The following LAMA2 variants were observed in gnomAD, a reference collection of about 807,000 sequenced individuals.
The protein encoded by LAMA2 is laminin subunit alpha-2.
A neutral mutation model predicts 364.8 loss-of-function variants in LAMA2; 269 were observed. The observed-to-expected ratio is 0.74, with a 90% CI of 0.67 to 0.82. LAMA2 has a LOEUF of 0.82. Among genes scored for constraint, LAMA2 ranks in the 40% least tolerant of loss-of-function variants. The pLI, the probability that LAMA2 is intolerant of heterozygous loss-of-function variation, is 0.00. For missense variants in LAMA2, 3,807 were observed against 3,873.2 expected, an observed-to-expected ratio of 0.98 and a Z score of 0.45; for synonymous variants, 1,379 against 1,370.6, an observed-to-expected ratio of 1.01 and a Z score of -0.14.
At position 128,931,174 on chromosome 6, in the gene LAMA2, T is replaced by C. The variant is rs191401884; in HGVS notation, c.112+47817T>C. The stretch of plus-strand genomic sequence containing the variant: ...GTCTCTATAGCTTACAAGGTATTCA[T>C]AAATTCTTCAAACAAAAGAAATTTA... On this transcript the variant is annotated intron_variant, in intron 1 of 64. Transcript: ENST00000421865. 6.8e-4 allele frequency among the ~76,000 whole-genome samples: 103 copies of C among 152,358 alleles called. 2 individuals are homozygous for C. The highest frequency in any genetic ancestry group is 1.0e-4 in the Non-Finnish European group (7 of 68,032).
At chr6:129,245,945 C>T (rs563246555) in intron 12 of LAMA2, among the ~76,000 whole-genome samples, 4 of 152,080 alleles carry the variant, frequency 2.6e-5, no homozygotes, top group African/African-American at 4.8e-5. Context: ...ATGTTCATAG[C>T]GTATTCATAA....
At position 129,331,060 on chromosome 6, in the gene LAMA2, G is replaced by A. The variant is rs187571115; in HGVS notation, c.4311+2648G>A. Among the ~76,000 whole-genome samples the A allele has an allele frequency of 5.9e-5, 9 of 152,070 alleles. No individual in the cohort carries two copies. In the East Asian group the frequency reaches 9.7e-4, roughly 16 times the overall value. On this transcript the variant is annotated intron_variant, in intron 29 of 64. Coordinates refer to ENST00000421865, the MANE Select transcript of LAMA2 (RefSeq NM_000426.4). The stretch of plus-strand genomic sequence containing the variant: ...CTTTTTTTGTATTTTTAATAGAGAC[G>A]GGGTTTCACTGTGTTAGCCAGGATG...
At chr6:129,511,131 C>G (rs1326968590) in intron 62 of LAMA2, among the ~76,000 whole-genome samples, 1 of 152,166 alleles carries the variant, frequency 6.6e-6, no homozygotes, top group Non-Finnish European at 1.5e-5. Flanking sequence ...ATCCCCTGAA[C>G]ACACAGTGTA....
chr6:129,413,207 A>G (rs1780622636), intron 40 of LAMA2, among the ~76,000 whole-genome samples: 2 of 152,186 alleles, frequency 1.3e-5, no homozygotes, highest in Admixed American at 6.5e-5. Context: ...ATTATTAAGG[A>G]CAAAGAAAGT....
At chr6:129,177,981 A>G (rs1369114634) in intron 10 of LAMA2, 115 bp downstream of exon 10, 6 of 1,084,392 alleles carry the variant, frequency 5.5e-6, no homozygotes, top group Admixed American at 2.0e-5. Flanking sequence ...AAGTATCCAT[A>G]ATCTATTCTA....
intron 64 of LAMA2, among the ~76,000 whole-genome samples, chr6:129,515,781 C>CTAT (rs1411113395): frequency 2.0e-5 from 3 of 152,088 alleles, no homozygotes; most frequent in Non-Finnish European, 4.4e-5. Context: ...TATGTTATAA[C>CTAT]TATTAAAAAG....
intron 3 of LAMA2, among the ~76,000 whole-genome samples, chr6:129,065,002 A>C (rs1165493382): frequency 6.6e-6 from 1 of 152,098 alleles, no homozygotes; most frequent in African/African-American, 2.4e-5. Flanking sequence ...TAGATGCAAA[A>C]CTCCTCAAGA....
intron 30 of LAMA2, among the ~76,000 whole-genome samples, chr6:129,343,891 G>C (rs1348082574): frequency 6.6e-6 from 1 of 152,028 alleles, no homozygotes; most frequent in Non-Finnish European, 1.5e-5. Flanking sequence ...TTCACTGGTG[G>C]GAATAGTAGG....
intron 3 of LAMA2, among the ~76,000 whole-genome samples, chr6:129,089,896 C>T (rs559425976): frequency 7.9e-5 from 12 of 152,184 alleles, no homozygotes; most frequent in East Asian, 3.9e-4. Flanking sequence ...TATGGGCCAA[C>T]GATACCCTTT....
intron 1 of LAMA2, among the ~76,000 whole-genome samples, chr6:128,962,185 T>TATATATATATATATATACACACACAC (rs1214826895): frequency 9.6e-6 from 1 of 103,918 alleles, no homozygotes; most frequent in African/African-American, 3.7e-5. Flanking sequence ...TATATATATA[T>TATATATATATATATATACACACACAC]ACACACATAC....
At chr6:129,458,900 C>G (rs1783104902) in intron 48 of LAMA2, among the ~76,000 whole-genome samples, 1 of 151,944 alleles carries the variant, frequency 6.6e-6, no homozygotes, top group African/African-American at 2.4e-5. Flanking sequence ...TATGTGTGTT[C>G]TAAAAACCAA....
chr6:129,328,523 T>G, intron 29 of LAMA2, 111 bp downstream of exon 29: 1 of 1,538,128 alleles, frequency 6.5e-7, no homozygotes, highest in Non-Finnish European at 8.9e-7. Flanking sequence ...CAACTGTGTG[T>G]GTGAAATAAA....
At chr6:129,070,654 TTA>T in intron 3 of LAMA2, among the ~76,000 whole-genome samples, 1 of 152,292 alleles carries the variant, frequency 6.6e-6, no homozygotes, top group East Asian at 1.9e-4. Context: ...CTTTTCTGAT[TTA>T]TGTTATTTTA....
At chr6:129,235,397 C>T (rs1206259690) in intron 12 of LAMA2, among the ~76,000 whole-genome samples, 1 of 152,144 alleles carries the variant, frequency 6.6e-6, no homozygotes, top group Non-Finnish European at 1.5e-5. Context: ...CTTCAAAAGA[C>T]CAATAATAAT....
intron 52 of LAMA2, 104 bp downstream of exon 52, chr6:129,473,456 C>T: frequency 8.6e-7 from 1 of 1,159,056 alleles, no homozygotes; most frequent in Non-Finnish European, 1.3e-6. Flanking sequence ...TCATATAACC[C>T]TTGGTTGCAG....
At chr6:129,460,040 G>A (rs571034634) in intron 48 of LAMA2, among the ~76,000 whole-genome samples, 160 bp from the exon 49 acceptor site, 30 of 152,046 alleles carry the variant, frequency 2.0e-4, no homozygotes, top group African/African-American at 5.8e-4. Flanking sequence ...CTAAGGATAC[G>A]GACAGACTAT....
intron 12 of LAMA2, among the ~76,000 whole-genome samples, chr6:129,194,671 T>C (rs1781733153): frequency 6.6e-6 from 1 of 152,192 alleles, no homozygotes; most frequent in South Asian, 2.1e-4. Context: ...ATTTTTAATG[T>C]AACGTGGAAG....
intron 1 of LAMA2, among the ~76,000 whole-genome samples, chr6:128,997,359 A>AAAGG (rs1371483925): frequency 4.7e-5 from 7 of 148,368 alleles, no homozygotes; most frequent in Non-Finnish European, 1.0e-4. Flanking sequence ...AGAAAGAACG[A>AAAGG]AAGAAAGAAA....
At chr6:129,145,788 C>T (rs1778397382) in intron 5 of LAMA2, among the ~76,000 whole-genome samples, 1 of 151,852 alleles carries the variant, frequency 6.6e-6, no homozygotes, top group African/African-American at 2.4e-5. Flanking sequence ...CAAATTTCAG[C>T]TCTTCTTCAT....
Sources: gnomAD v4.1 joint callset for allele counts (sites outside exome capture counted in the v4.1 genomes callset) on GRCh38, gnomAD v4.1.1 for gene constraint, MANE v1.5 for transcripts, NCBI Gene and HGNC (gene_info 2026-07-23, HGNC 2026-07-21) for gene names.